Variants in MALRD1 observed in about 807,000 individuals in gnomAD.
MALRD1 encodes MAM and LDL-receptor class A domain-containing protein 1.
Under a neutral mutation model 242.1 loss-of-function variants are expected in MALRD1, and 247 were observed. That is an observed-to-expected ratio of 1.02 (90% CI 0.92 to 1.13). The LOEUF (loss-of-function observed/expected upper bound fraction) is 1.13. Among genes scored for constraint, MALRD1 ranks in the 50% most tolerant of loss-of-function variants. MALRD1 has a pLI of 0.00. For missense variants in MALRD1, 2,989 were observed against 2,533.1 expected, an observed-to-expected ratio of 1.18 and a Z score of -3.86; for synonymous variants, 995 against 866.6, an observed-to-expected ratio of 1.15 and a Z score of -2.60.
intron 36 of MALRD1, among the ~76,000 whole-genome samples, chr10:19,630,438 G>T (rs1839853439): frequency 6.6e-6 from 1 of 152,026 alleles, no homozygotes; most frequent in South Asian, 2.1e-4. Flanking sequence ...ATATATAGGG[G>T]GAATTCTAAG....
intron 14 of MALRD1, among the ~76,000 whole-genome samples, chr10:19,191,467 T>G (rs548074610): frequency 1.1e-4 from 17 of 152,300 alleles, no homozygotes; most frequent in Admixed American, 6.5e-5. Flanking sequence ...AATTACCATA[T>G]GCTTCGGCAA....
chr10:19,667,321 T>G (rs1280342620), intron 36 of MALRD1, among the ~76,000 whole-genome samples: 3 of 152,076 alleles, frequency 2.0e-5, no homozygotes, highest in Non-Finnish European at 1.5e-5. Context: ...ATATCTGGAC[T>G]CAGTAACAGC....
intron 38 of MALRD1, among the ~76,000 whole-genome samples, chr10:19,720,495 C>A (rs1433196422): frequency 6.6e-6 from 1 of 152,120 alleles, no homozygotes; most frequent in African/African-American, 2.4e-5. Flanking sequence ...GAAATTATAG[C>A]CTGTGTAATT....
chr10:19,532,773 T>C (rs1834482404), intron 32 of MALRD1, among the ~76,000 whole-genome samples: 1 of 152,104 alleles, frequency 6.6e-6, no homozygotes, highest in African/African-American at 2.4e-5. Context: ...AGGAAGCCAG[T>C]AAAACAACAG....
At chr10:19,345,809 CCTTTTT>C (rs1328510839) in intron 24 of MALRD1, among the ~76,000 whole-genome samples, 1 of 151,218 alleles carries the variant, frequency 6.6e-6, no homozygotes, top group Non-Finnish European at 1.5e-5. Flanking sequence ...TATTTTAAGC[CCTTTTT>C]CTTTATTGTA....
chr10:19,137,655 C>A (rs911813733), intron 10 of MALRD1, among the ~76,000 whole-genome samples: 1 of 150,530 alleles, frequency 6.6e-6, no homozygotes, highest in Non-Finnish European at 1.5e-5. Flanking sequence ...CCATGACTGG[C>A]GTTTGGGAGG....
intron 24 of MALRD1, among the ~76,000 whole-genome samples, chr10:19,334,142 T>TTC (rs951598927): frequency 8.9e-5 from 13 of 145,288 alleles, no homozygotes; most frequent in Non-Finnish European, 1.3e-4. Flanking sequence ...TTTTTTTTTT[T>TTC]CTGTGCAGAG....
At chr10:19,169,310 G>C (rs1436575171) in intron 13 of MALRD1, among the ~76,000 whole-genome samples, 1 of 152,142 alleles carries the variant, frequency 6.6e-6, no homozygotes, top group Non-Finnish European at 1.5e-5. Flanking sequence ...ATGATGTTCT[G>C]CTGTGAATCA....
intron 36 of MALRD1, among the ~76,000 whole-genome samples, chr10:19,684,302 T>A (rs60606377): frequency 0.014 from 2,103 of 152,266 alleles, 43 homozygotes; most frequent in African/African-American, 0.048. Flanking sequence ...ATCATATTAT[T>A]AAAAAATCGA....
chr10:19,238,353 A>ATG (rs1838519163), intron 18 of MALRD1, among the ~76,000 whole-genome samples: 1 of 85,896 alleles, frequency 1.2e-5, no homozygotes, highest in African/African-American at 4.7e-5. Flanking sequence ...TATACATAAT[A>ATG]TATAATACAT....
At chr10:19,719,571 T>A (rs1253115138) in intron 38 of MALRD1, among the ~76,000 whole-genome samples, 2 of 152,130 alleles carry the variant, frequency 1.3e-5, no homozygotes, top group Non-Finnish European at 2.9e-5. Context: ...GCAGCTGCTG[T>A]ATCATGTGAA....
Position 19,348,037 on chromosome 10 carries a change from C to T in MALRD1, c.4149+19C>T. On this transcript the variant is annotated intron_variant, in intron 25 of 39. Transcript: ENST00000454679. Reference sequence around the variant, plus strand: ...CTGCAAGGTATGGGGAAAATCGAACCAACCAACCAAACAAACACAGAATTA... The same window carrying T: ...CTGCAAGGTATGGGGAAAATCGAACTAACCAACCAAACAAACACAGAATTA... 6.5e-7 allele frequency: 1 copy of T among 1,544,538 alleles called. No homozygotes were observed. Among genetic ancestry groups the T allele is most frequent in the Non-Finnish European group, 8.7e-7 (1 of 1,143,706 alleles).
At chr10:19,148,788 A>AATATATATATATATATATATATATATAT (rs767384867) in intron 11 of MALRD1, among the ~76,000 whole-genome samples, 8 of 88,012 alleles carry the variant, frequency 9.1e-5, no homozygotes, top group Non-Finnish European at 1.5e-4. Flanking sequence ...AAAAAAAAAA[A>AATATATATATATATATATATATATATAT]ATATATATAT....
At chr10:19,347,677 C>A in intron 24 of MALRD1, 94 bp from the exon 25 acceptor site, 1 of 1,380,540 alleles carries the variant, frequency 7.2e-7, no homozygotes. Context: ...TCAAATATTA[C>A]ATGATACAGC....
intron 1 of MALRD1, among the ~76,000 whole-genome samples, chr10:19,059,044 T>C (rs1834746602): frequency 6.6e-6 from 1 of 152,184 alleles, no homozygotes; most frequent in South Asian, 2.1e-4. Flanking sequence ...GCAAAAAGTC[T>C]CCTTACAATA....
chr10:19,599,752 A>G (rs549654723), intron 34 of MALRD1, among the ~76,000 whole-genome samples: 4 of 152,126 alleles, frequency 2.6e-5, no homozygotes, highest in Admixed American at 2.0e-4. Flanking sequence ...GTGTGAGAGG[A>G]GGTTCAGTTG....
In MALRD1 at chr10:19,331,393, A is replaced by G. The variant is rs1223758733; in HGVS notation, c.3712A>G (p.Ile1238Val). Reference sequence around the variant, plus strand: ...GATTGTCTTCAGAGCCAAACGTGGTATCAGTTACATAGGAGATGTAGCAGT... The same window carrying G: ...GATTGTCTTCAGAGCCAAACGTGGTGTCAGTTACATAGGAGATGTAGCAGT... ...TQIVFRAKRGISYIGDVAVDD... is the reference protein window; with the variant it reads ...TQIVFRAKRGVSYIGDVAVDD... Residue 1238 changes from isoleucine (I) to valine (V), a missense_variant, in exon 24 of 40, where the codon ATC (isoleucine) becomes GTC (valine). By Grantham distance (29) the Ile-to-Val change is conservative. Coordinates refer to ENST00000454679, the MANE Select transcript of MALRD1 (RefSeq NM_001142308.3). 5 of 1,550,444 alleles carry G rather than the reference A, an allele frequency of 3.2e-6. No homozygotes were observed. The highest frequency in any genetic ancestry group is 2.4e-5 in the East Asian group (1 of 40,894).
At chr10:19,560,179 A>G (rs1835900549) in intron 32 of MALRD1, among the ~76,000 whole-genome samples, 1 of 152,170 alleles carries the variant, frequency 6.6e-6, no homozygotes, top group Admixed American at 6.5e-5. Context: ...CTTTAAAGAC[A>G]CATGCATGGC....
At chr10:19,380,596 T>C (rs1845795178) in intron 26 of MALRD1, among the ~76,000 whole-genome samples, 1 of 152,086 alleles carries the variant, frequency 6.6e-6, no homozygotes, top group Non-Finnish European at 1.5e-5. Context: ...TTTTATATAG[T>C]CTTTACCATA....
Sources: allele counts gnomAD v4.1 joint callset (sites outside exome capture counted in the v4.1 genomes callset), GRCh38; gene constraint gnomAD v4.1.1; transcripts MANE v1.5; gene names NCBI Gene and HGNC (gene_info 2026-07-23, HGNC 2026-07-21).